VEGFB: variants seen among roughly 807,000 people sequenced by gnomAD.
VEGFB encodes the protein vascular endothelial growth factor B, also known as VEGF-related factor.
A neutral mutation model predicts 22.5 loss-of-function variants in VEGFB; 24 were observed. The ratio of observed to expected loss-of-function variants is 1.07; its 90% CI spans 0.77 to 1.50. The LOEUF is 1.50. Ranked by LOEUF, VEGFB falls within the 40% of genes most tolerant of loss-of-function variation. The pLI is 0.00. For synonymous variants in VEGFB, 141 were observed against 117.4 expected (o/e 1.20, Z -1.30); for missense variants, 327 against 287.8 (o/e 1.14, Z -0.99).
At chr11:64,236,167 G>T in intron 3 of VEGFB, 87 bp from the exon 4 acceptor site, 1 of 1,563,688 alleles carries the variant, frequency 6.4e-7, no homozygotes, top group Admixed American at 1.7e-5. Flanking sequence ...CCTCCCGGCT[G>T]TTGGGTGAGC....
rs1482773429 is a variant in VEGFB at position 64,234,693 on chromosome 11, G to A, written c.-141G>A. ...GCCTGCACCCAGGGCTCGGGAGGGGGCCGCGGAGGAGTCGCCCCCCGCGCC... is the reference window on the plus strand; with the variant it reads ...GCCTGCACCCAGGGCTCGGGAGGGGACCGCGGAGGAGTCGCCCCCCGCGCC... On this transcript the variant is annotated 5_prime_UTR_variant, in exon 1 of 7. Coordinates refer to ENST00000309422, the MANE Select transcript of VEGFB (RefSeq NM_003377.5). This position sits in a 1 kb window ranked among gnomAD's most constrained non-coding sequence, Gnocchi z 5.3. 2.5e-5 allele frequency: 4 copies of A among 160,750 alleles called. No individual in the cohort carries two copies. In the East Asian group the frequency reaches 8.0e-4, roughly 32 times the overall value. The allele number at this position is 160,750 out of a possible 1,614,324, so 10.0% of individuals were successfully genotyped here.
intron 4 of VEGFB, among the ~76,000 whole-genome samples, chr11:64,236,632 G>T (rs1413839021): frequency 6.8e-6 from 1 of 147,736 alleles, no homozygotes; most frequent in African/African-American, 2.5e-5. Context: ...CAGGAGAATG[G>T]CATGAACCTG....
chr11:64,237,211 G>A lies in VEGFB; in HGVS notation c.399G>A (p.Val133=). 6 of 1,609,094 alleles carry A rather than the reference G, an allele frequency of 3.7e-6. No homozygotes were observed. The highest frequency in any genetic ancestry group is 4.2e-6 in the Non-Finnish European group (5 of 1,176,798). The part of the protein sequence containing the change: ...ECRPKKKDSA[V]KPDRAATPHH... ...GACCTAAAAAAAAGGACAGTGCTGTGAAGCCAGACAGGTGAGTCTTTTGGA... is the reference window on the plus strand; with the variant it reads ...GACCTAAAAAAAAGGACAGTGCTGTAAAGCCAGACAGGTGAGTCTTTTGGA... Residue 133 remains valine (V), a synonymous_variant, in exon 5 of 7, where the codon GTG becomes GTA. Transcript: ENST00000309422.
intron 2 of VEGFB, 93 bp from the exon 3 acceptor site, chr11:64,235,720 G>C: frequency 6.8e-7 from 1 of 1,475,138 alleles, no homozygotes; most frequent in Non-Finnish European, 9.3e-7. Flanking sequence ...GGCTAGTGGA[G>C]GGTGGCTGTG....
chr11:64,235,824 A>G lies in VEGFB; in HGVS notation c.115A>G (p.Ile39Val). The G allele has an allele frequency of 3.7e-6, 6 of 1,613,850 alleles. No homozygotes were observed. The highest frequency in any genetic ancestry group is 5.1e-6 in the Non-Finnish European group (6 of 1,179,974). The change falls in exon 3 of 7, where the codon ATA becomes GTA. Residue 39 changes from isoleucine (I) to valine (V), a missense_variant. Transcript: ENST00000309422. ...PGHQRKVVSW[I>V]DVYTRATCQP... is the part of the protein sequence containing the mutation. Reference sequence around the variant, plus strand: ...CGGTCTGCTCCCAGTGGTGTCATGGATAGATGTGTATACTCGCGCTACCTG... The same window carrying G: ...CGGTCTGCTCCCAGTGGTGTCATGGGTAGATGTGTATACTCGCGCTACCTG...
intron 4 of VEGFB, among the ~76,000 whole-genome samples, chr11:64,236,969 G>A (rs893566911): frequency 6.8e-6 from 1 of 148,024 alleles, no homozygotes; most frequent in African/African-American, 2.4e-5. Context: ...TGTAATCCCA[G>A]CTACTTGGGA....
rs774707616 is a variant in VEGFB at position 64,235,977 on chromosome 11, G to A, written c.268G>A (p.Val90Met). 2 of 1,605,650 alleles carry A rather than the reference G, an allele frequency of 1.2e-6. No individual in the cohort carries two copies. Among genetic ancestry groups the A allele is most frequent in the South Asian group, 2.2e-5 (2 of 90,284 alleles). Residue 90 changes from valine (V) to methionine (M), a missense_variant, in exon 3 of 7, where the codon GTG becomes ATG. Transcript: ENST00000309422. Reference sequence around the variant, plus strand: ...CTGCCCTGACGATGGCCTGGAGTGTGTGCCCACTGGGCAGCACCAAGTCCG... The same window carrying A: ...CTGCCCTGACGATGGCCTGGAGTGTATGCCCACTGGGCAGCACCAAGTCCG... ...GCCPDDGLEC[V>M]PTGQHQVRMQ...
chr11:64,234,918 C>T lies in VEGFB; in HGVS notation c.60+25C>T, dbSNP rs760749205. 3.5e-5 allele frequency: 44 copies of T among 1,275,190 alleles called. No individual in the cohort carries two copies. The highest frequency in any genetic ancestry group is 2.6e-5 in the South Asian group (1 of 38,530). 79.0% of individuals were successfully genotyped at this position (1,275,190 alleles called of 1,614,324 possible). On this transcript the variant is annotated intron_variant, in intron 1 of 6. Coordinates refer to ENST00000309422, the MANE Select transcript of VEGFB (RefSeq NM_003377.5). This position sits in a 1 kb window ranked among gnomAD's most constrained non-coding sequence, Gnocchi z 5.3. The stretch of plus-strand genomic sequence containing the variant: ...GGTACGTGCGGCCCGACAGCGCGCC[C>T]GCCCGCCCGCCGTGCCCTCTCTCAA...
chr11:64,236,648 C>T (rs897518951), intron 4 of VEGFB, among the ~76,000 whole-genome samples: 2 of 137,232 alleles, frequency 1.5e-5, no homozygotes, highest in East Asian at 2.2e-4. Context: ...ACCTGGGAGG[C>T]GTAGCTTGCA....
At chr11:64,237,001 T>G (rs1378915945) in intron 4 of VEGFB, 186 bp from the exon 5 acceptor site, 1 of 446,786 alleles carries the variant, frequency 2.2e-6, no homozygotes, top group Non-Finnish European at 4.1e-6. Context: ...GAGAATAGCT[T>G]GAACCTGGGA....
intron 6 of VEGFB, 195 bp downstream of exon 6, chr11:64,237,850 GATACAGGAGGGAC>G: frequency 3.5e-6 from 2 of 564,538 alleles, no homozygotes; most frequent in Non-Finnish European, 6.2e-6. Context: ...TCAGGAGTCA[GATACAGGAGGGAC>G]AATGCCAGCA....
chr11:64,237,807 C>G, intron 6 of VEGFB, 152 bp downstream of exon 6: 1 of 725,438 alleles, frequency 1.4e-6, no homozygotes, highest in African/African-American at 1.8e-5. Flanking sequence ...CTGCTGGCAC[C>G]TGGAGCTGTA....
At position 64,238,346 on chromosome 11, in the gene VEGFB, CCCT is replaced by C. The variant is rs1390909037; in HGVS notation, c.*23-5_*23-3del. The C allele has an allele frequency of 2.0e-6, 3 of 1,536,172 alleles. No individual in the cohort carries two copies. The highest frequency in any genetic ancestry group is 2.6e-6 in the Non-Finnish European group (3 of 1,146,866). ...AGCCAGCATGAACAGATCACTTCCT[CCCT>C]CCTCAGGTGCCGGAAGCTGCGAAGG... On this transcript the variant is annotated splice_region_variant and splice_polypyrimidine_tract_variant and intron_variant, in intron 6 of 6. Coordinates refer to ENST00000309422, the MANE Select transcript of VEGFB (RefSeq NM_003377.5).
rs375789989 is a variant in VEGFB, at chr11:64,235,821, T to C, written c.112T>C (p.Trp38Arg). 3.1e-6 allele frequency: 5 copies of C among 1,613,794 alleles called. No individual in the cohort carries two copies. Among genetic ancestry groups the C allele is most frequent in the Non-Finnish European group, 4.2e-6 (5 of 1,179,952 alleles). ...APGHQRKVVS[W>R]IDVYTRATCQ... ...TACCGGTCTGCTCCCAGTGGTGTCA[T>C]GGATAGATGTGTATACTCGCGCTAC... The change falls in exon 3 of 7, where the codon TGG becomes CGG. Residue 38 changes from tryptophan to arginine, a missense_variant. Physicochemically the swap from Trp to Arg is moderately radical, Grantham distance 101. Transcript: ENST00000309422.
Position 64,238,395 on chromosome 11 carries a change from TCAG to T in VEGFB, c.*66_*68del. 2.6e-6 allele frequency: 4 copies of T among 1,536,076 alleles called. No homozygotes were observed. Among genetic ancestry groups the T allele is most frequent in the Non-Finnish European group, 3.5e-6 (4 of 1,146,840 alleles). On this transcript the variant is annotated 3_prime_UTR_variant, in exon 7 of 7. Coordinates refer to ENST00000309422, the MANE Select transcript of VEGFB (RefSeq NM_003377.5). ...GAAGGTGACACATGGCTTTTCAGAC[TCAG>T]CAGGGTGACTTGCCTCAGAGGCTAT...
chr11:64,237,199 G>A lies in VEGFB; in HGVS notation c.387G>A (p.Lys129=), dbSNP rs756911376. 6.8e-6 allele frequency: 11 copies of A among 1,606,458 alleles called. No homozygotes were observed. Among genetic ancestry groups the A allele is most frequent in the Non-Finnish European group, 9.4e-6 (11 of 1,175,478 alleles). Residue 129 remains lysine, a synonymous_variant, in exon 5 of 7, where the codon AAG becomes AAA. Transcript: ENST00000309422. Reference sequence around the variant, plus strand: ...TCTTACTTTTCAGACCTAAAAAAAAGGACAGTGCTGTGAAGCCAGACAGGT... The same window carrying A: ...TCTTACTTTTCAGACCTAAAAAAAAAGACAGTGCTGTGAAGCCAGACAGGT... ...HSQCECRPKK[K]DSAVKPDRAA...
Position 64,234,886 on chromosome 11 carries a change from C to A in VEGFB, c.53C>A (p.Pro18His), listed in dbSNP as rs1422251058. ...LLLAALLQLA[P>H]AQAPVSQPDA... is the part of the protein sequence containing the mutation. ...CTCGCCGCACTCCTGCAGCTGGCCC[C>A]CGCCCAGGTACGTGCGGCCCGACAG... The change falls in exon 1 of 7, where the codon CCC (proline) becomes CAC (histidine). Residue 18 changes from proline (P) to histidine (H), a missense_variant. Coordinates refer to ENST00000309422, the MANE Select transcript of VEGFB (RefSeq NM_003377.5). This position sits in a 1 kb window ranked among gnomAD's most constrained non-coding sequence, Gnocchi z 5.3. The A allele has an allele frequency of 4.6e-6, 6 of 1,308,490 alleles. No homozygotes were observed. In the South Asian group the frequency reaches 1.3e-4, roughly 28 times the overall value. 81.1% of individuals were successfully genotyped at this position (1,308,490 alleles called of 1,614,324 possible). A position where few individuals can be genotyped will look rare whatever the true frequency, so the allele number is the denominator to read the frequency against.
chr11:64,237,140 C>T (rs1425540911), intron 4 of VEGFB, 47 bp from the exon 5 acceptor site: 1 of 1,382,122 alleles, frequency 7.2e-7, no homozygotes, highest in Non-Finnish European at 9.9e-7. Context: ...GCTGGGATTT[C>T]CTGATCTTCC....
rs963475686 is a variant in VEGFB, at chr11:64,236,996, T to C, written c.375-191T>C. On this transcript the variant is annotated intron_variant, in intron 4 of 6. Coordinates refer to ENST00000309422, the MANE Select transcript of VEGFB (RefSeq NM_003377.5). ...TACTTGGGAGGCTGAGACAAGAGAATAGCTTGAACCTGGGAGGCGGAGGTT... is the reference window on the plus strand; with the variant it reads ...TACTTGGGAGGCTGAGACAAGAGAACAGCTTGAACCTGGGAGGCGGAGGTT... The C allele has an allele frequency of 9.3e-5, 40 of 430,734 alleles. 1 individual carries two copies. Among genetic ancestry groups the C allele is most frequent in the African/African-American group, 6.4e-4 (33 of 51,276 alleles). 26.7% of individuals were successfully genotyped at this position (430,734 alleles called of 1,614,324 possible). A position where few individuals can be genotyped will look rare whatever the true frequency, so the allele number is the denominator to read the frequency against.
Sources: allele counts gnomAD v4.1 joint callset (sites outside exome capture counted in the v4.1 genomes callset), GRCh38; gene constraint gnomAD v4.1.1; non-coding constraint Gnocchi (gnomAD v3.1); transcripts MANE v1.5; gene names NCBI Gene and HGNC (gene_info 2026-07-23, HGNC 2026-07-21).